Variants in MYO3A observed in about 807,000 individuals in gnomAD.
The protein encoded by MYO3A is myosin IIIA, also known as myosin-IIIa.
A neutral mutation model predicts 192.7 loss-of-function variants in MYO3A; 180 were observed. The ratio of observed to expected loss-of-function variants is 0.93; its 90% CI spans 0.83 to 1.06. MYO3A has a LOEUF of 1.06. Among genes scored for constraint, MYO3A ranks in the 50% least tolerant of loss-of-function variants. MYO3A has a pLI of 0.00. For missense variants in MYO3A, 1,896 were observed against 1,905.0 expected, an observed-to-expected ratio of 1.00 and a Z score of 0.09; for synonymous variants, 628 against 645.3, an observed-to-expected ratio of 0.97 and a Z score of 0.41.
chr10:25,979,649 T>C (rs922249152), intron 4 of MYO3A, among the ~76,000 whole-genome samples: 1 of 152,240 alleles, frequency 6.6e-6, no homozygotes. Flanking sequence ...TGAAATTCTA[T>C]AGTACTTTGC....
chr10:26,143,034 T>C (rs998938014), intron 20 of MYO3A, among the ~76,000 whole-genome samples: 1 of 152,180 alleles, frequency 6.6e-6, no homozygotes, highest in East Asian at 1.9e-4. Context: ...TACTCTCAGT[T>C]TAAGAGCAAG....
intron 31 of MYO3A, among the ~76,000 whole-genome samples, chr10:26,188,915 G>A (rs1302251487): frequency 6.6e-6 from 1 of 152,152 alleles, no homozygotes; most frequent in Non-Finnish European, 1.5e-5. Context: ...TTGAAGCCAG[G>A]TAGCATGATG....
At chr10:25,994,634 G>T (rs1188795367) in intron 4 of MYO3A, among the ~76,000 whole-genome samples, 2 of 152,156 alleles carry the variant, frequency 1.3e-5, no homozygotes, top group Non-Finnish European at 2.9e-5. Flanking sequence ...GCATGTTTTT[G>T]CAGTGGCTGG....
intron 10 of MYO3A, among the ~76,000 whole-genome samples, chr10:26,049,604 C>A (rs11816237): frequency 0.16 from 24,572 of 149,958 alleles, 2,290 homozygotes; most frequent in Non-Finnish European, 0.21. Context: ...GAGACAGTTT[C>A]TTTTCCATTA....
intron 23 of MYO3A, among the ~76,000 whole-genome samples, chr10:26,153,197 G>T (rs1363404584): frequency 6.6e-6 from 1 of 152,192 alleles, no homozygotes; most frequent in Non-Finnish European, 1.5e-5. Context: ...TCAAAACTCT[G>T]TGAGGAAATC....
chr10:25,965,159 A>G (rs7911905), intron 4 of MYO3A, among the ~76,000 whole-genome samples: 14,086 of 152,142 alleles, frequency 0.093, 1,144 homozygotes, highest in African/African-American at 0.21. Context: ...GGTTTAGGAA[A>G]TTCTCTGTTA....
chr10:25,978,814 T>C (rs1416283695), intron 4 of MYO3A, among the ~76,000 whole-genome samples: 2 of 152,196 alleles, frequency 1.3e-5, no homozygotes, highest in African/African-American at 2.4e-5. Flanking sequence ...GGAGAATTTG[T>C]TTATATGCTT....
At chr10:26,138,378 T>C (rs1839970681) in intron 20 of MYO3A, among the ~76,000 whole-genome samples, 1 of 152,236 alleles carries the variant, frequency 6.6e-6, no homozygotes, top group Non-Finnish European at 1.5e-5. Context: ...CAACTAATGG[T>C]ACCTCATTTA....
chr10:25,951,978 G>T, intron 2 of MYO3A, 116 bp from the exon 3 acceptor site: 1 of 723,144 alleles, frequency 1.4e-6, no homozygotes. Context: ...ATGTTTGGTT[G>T]CTGTTGAATA....
chr10:26,063,920 T>C (rs187239731), intron 10 of MYO3A, among the ~76,000 whole-genome samples: 1 of 152,322 alleles, frequency 6.6e-6, no homozygotes, highest in African/African-American at 2.4e-5. Context: ...CTATAATTAG[T>C]CATTGAACAA....
chr10:26,034,475 C>T (rs1842937740), intron 10 of MYO3A, among the ~76,000 whole-genome samples: 1 of 152,156 alleles, frequency 6.6e-6, no homozygotes, highest in Non-Finnish European at 1.5e-5. Flanking sequence ...CTAATGGCCC[C>T]ATAGATGAAG....
chr10:25,994,497 C>T (rs535463578), intron 4 of MYO3A, among the ~76,000 whole-genome samples: 5 of 152,258 alleles, frequency 3.3e-5, no homozygotes, highest in African/African-American at 9.6e-5. Context: ...TTAATTGGAG[C>T]ATTTAGTCCA....
chr10:26,197,596 C>T (rs560476603), intron 32 of MYO3A, among the ~76,000 whole-genome samples: 1 of 152,174 alleles, frequency 6.6e-6, no homozygotes, highest in South Asian at 2.1e-4. Flanking sequence ...CAGAGTCTCA[C>T]TTTGTTGCCC....
At chr10:26,115,138 G>C (rs1332741280) in intron 17 of MYO3A, among the ~76,000 whole-genome samples, 1 of 152,178 alleles carries the variant, frequency 6.6e-6, no homozygotes, top group Non-Finnish European at 1.5e-5. Flanking sequence ...ATTGCTAGGG[G>C]AATAGGGGCC....
At position 25,983,189 on chromosome 10, in the gene MYO3A, A is replaced by G. The variant is rs534652704; in HGVS notation, c.304-13301A>G. The stretch of plus-strand genomic sequence containing the variant: ...AAAGTCTCAGCAACAGAATTGCACA[A>G]GCAGAAGAAAGAACTTCAGAGCTTG... On this transcript the variant is annotated intron_variant, in intron 4 of 34. Coordinates refer to ENST00000642920, the MANE Select transcript of MYO3A (RefSeq NM_017433.5). 4.5e-4 allele frequency among the ~76,000 whole-genome samples: 68 copies of G among 152,146 alleles called. 2 individuals carry two copies. The South Asian group carries it at 0.011, about 25-fold the overall frequency.
chr10:26,193,192 A>T lies in MYO3A; in HGVS notation c.4439-13A>T, dbSNP rs1843234818. On this transcript the variant is annotated splice_polypyrimidine_tract_variant and intron_variant, in intron 31 of 34. Transcript: ENST00000642920. ...TGTAATTAAATACTTGTTTATGATC[A>T]CCTTTCTTATAGGTGTCTGTAAAGG... 6.4e-7 allele frequency: 1 copy of T among 1,573,232 alleles called. No homozygotes were observed. Among genetic ancestry groups the T allele is most frequent in the African/African-American group, 1.3e-5 (1 of 74,084 alleles).
chr10:26,048,371 C>T (rs1213266155), intron 10 of MYO3A, among the ~76,000 whole-genome samples: 11 of 147,418 alleles, frequency 7.5e-5, no homozygotes, highest in Non-Finnish European at 7.5e-5. Context: ...TTTTTTTAAG[C>T]GAAAAATCTG....
intron 10 of MYO3A, among the ~76,000 whole-genome samples, chr10:26,049,994 A>G (rs1281552373): frequency 6.6e-6 from 1 of 151,746 alleles, no homozygotes; most frequent in Non-Finnish European, 1.5e-5. Context: ...CTACTTGTTT[A>G]TAGTTGCTCA....
chr10:26,128,563 T>C (rs769216971), intron 20 of MYO3A, 25 bp downstream of exon 20: 1 of 1,585,536 alleles, frequency 6.3e-7, no homozygotes. Flanking sequence ...TTACTATAAA[T>C]ATGCATGCAT....
Sources: allele counts gnomAD v4.1 joint callset (sites outside exome capture counted in the v4.1 genomes callset), GRCh38; gene constraint gnomAD v4.1.1; transcripts MANE v1.5; gene names NCBI Gene and HGNC (gene_info 2026-07-23, HGNC 2026-07-21).